SPMIP2: variants seen among roughly 807,000 people sequenced by gnomAD.
SPMIP2 encodes sperm microtubule inner protein 2.
the SPMIP2 span, among the ~76,000 whole-genome samples, chr4:159,032,417 G>T: frequency 2.0e-5 from 3 of 152,276 alleles, no homozygotes; most frequent in South Asian, 6.2e-4. Flanking sequence ...ATTTGTAACA[G>T]TAAAAATTAG....
chr4:158,969,945 C>A, the SPMIP2 span, among the ~76,000 whole-genome samples: 4 of 152,038 alleles, frequency 2.6e-5, 1 homozygote, highest in South Asian at 8.3e-4. Context: ...CAAGGAAGAG[C>A]AAGGGATATG....
chr4:158,949,564 G>GCATACAGATAC, the SPMIP2 span, among the ~76,000 whole-genome samples: 2 of 151,948 alleles, frequency 1.3e-5, no homozygotes, highest in Non-Finnish European at 2.9e-5. Context: ...TGTACTTCAT[G>GCATACAGATAC]TGCTTCATGA....
the SPMIP2 span, among the ~76,000 whole-genome samples, chr4:158,928,462 T>A: frequency 2.7e-4 from 41 of 152,136 alleles, no homozygotes; most frequent in Non-Finnish European, 7.4e-5. Context: ...GGTGGGGCCT[T>A]GGAGAACCTT....
chr4:159,039,480 T>G, the SPMIP2 span, among the ~76,000 whole-genome samples: 1 of 151,880 alleles, frequency 6.6e-6, no homozygotes, highest in African/African-American at 2.4e-5. Context: ...GACTAGTGAG[T>G]AGTGGTACCC....
At chr4:158,962,700 T>C in the SPMIP2 span, among the ~76,000 whole-genome samples, 2 of 152,206 alleles carry the variant, frequency 1.3e-5, no homozygotes, top group Non-Finnish European at 1.5e-5. Flanking sequence ...TTGCCTATTC[T>C]AGATTGGAAC....
the SPMIP2 span, among the ~76,000 whole-genome samples, chr4:159,001,916 C>T: frequency 0.99 from 150,577 of 152,306 alleles, 74,449 homozygotes; most frequent in East Asian, 1. Flanking sequence ...TTTGAGGAAG[C>T]GCCACCCTGC....
the SPMIP2 span, among the ~76,000 whole-genome samples, chr4:158,929,111 C>T: frequency 6.6e-6 from 1 of 152,230 alleles, no homozygotes; most frequent in African/African-American, 2.4e-5. Flanking sequence ...ACTTCCTGGG[C>T]TCAAGTGATC....
chr4:159,029,573 A>C, the SPMIP2 span, among the ~76,000 whole-genome samples: 1 of 152,250 alleles, frequency 6.6e-6, no homozygotes, highest in East Asian at 1.9e-4. Flanking sequence ...GAAGTAACTT[A>C]TGCTCTAACT....
At chr4:158,908,549 T>G in the SPMIP2 span, among the ~76,000 whole-genome samples, 1 of 152,328 alleles carries the variant, frequency 6.6e-6, no homozygotes, top group East Asian at 1.9e-4. Flanking sequence ...TTGATATACT[T>G]TTGGAAAACT....
chr4:159,080,774 A>G, the SPMIP2 span, among the ~76,000 whole-genome samples: 1 of 152,066 alleles, frequency 6.6e-6, no homozygotes, highest in Admixed American at 6.6e-5. Context: ...CCCAGGCTGG[A>G]GTGCAGTGGC....
At chr4:158,907,015 A>G in the SPMIP2 span, 2 of 152,234 alleles carry the variant, frequency 1.3e-5, no homozygotes, top group African/African-American at 4.8e-5. Context: ...GGGTTTCTTC[A>G]ACTTTTAAGT....
At chr4:158,916,010 T>C in the SPMIP2 span, among the ~76,000 whole-genome samples, 1 of 152,226 alleles carries the variant, frequency 6.6e-6, no homozygotes, top group Non-Finnish European at 1.5e-5. Flanking sequence ...TTATTCACCA[T>C]CCTTCCACCT....
chr4:158,952,833 A>G, the SPMIP2 span, among the ~76,000 whole-genome samples: 3 of 152,216 alleles, frequency 2.0e-5, no homozygotes, highest in Admixed American at 2.0e-4. Context: ...GTTAGGTTTT[A>G]GCAAAGAGAC....
chr4:158,995,502 T>C, the SPMIP2 span, among the ~76,000 whole-genome samples: 1 of 152,194 alleles, frequency 6.6e-6, no homozygotes, highest in African/African-American at 2.4e-5. Context: ...AAGGTCATTA[T>C]GACATGGCCT....
At chr4:159,072,198 T>C in the SPMIP2 span, among the ~76,000 whole-genome samples, 1 of 152,094 alleles carries the variant, frequency 6.6e-6, no homozygotes, top group African/African-American at 2.4e-5. Context: ...CCTGTAGTCA[T>C]AGCCACTCAG....
At chr4:158,956,751 T>C in the SPMIP2 span, among the ~76,000 whole-genome samples, 18 of 151,538 alleles carry the variant, frequency 1.2e-4, no homozygotes, top group Admixed American at 3.9e-4. Context: ...TTATAACAAA[T>C]ATGGTCTCTT....
chr4:159,082,770 C>T, the SPMIP2 span, among the ~76,000 whole-genome samples: 1 of 152,108 alleles, frequency 6.6e-6, no homozygotes, highest in Non-Finnish European at 1.5e-5. Context: ...AACTACTTAC[C>T]TATTTCCTAT....
the SPMIP2 span, among the ~76,000 whole-genome samples, chr4:158,961,793 T>C: frequency 6.6e-6 from 1 of 152,122 alleles, no homozygotes; most frequent in Non-Finnish European, 1.5e-5. Flanking sequence ...CTGGTCCTTC[T>C]CTATCTTAAT....
At chr4:158,930,474 C>T in the SPMIP2 span, among the ~76,000 whole-genome samples, 2 of 151,066 alleles carry the variant, frequency 1.3e-5, no homozygotes, top group Non-Finnish European at 2.9e-5. Flanking sequence ...TCCCAAAGTG[C>T]TGCGATTACA....
Sources: allele counts gnomAD v4.1 joint callset (sites outside exome capture counted in the v4.1 genomes callset), GRCh38; gene constraint gnomAD v4.1.1; transcripts MANE v1.5; gene names NCBI Gene and HGNC (gene_info 2026-07-23, HGNC 2026-07-21).